Variants in PXDN observed in about 807,000 individuals in gnomAD.
PXDN encodes the protein peroxidasin.
In PXDN, 77 loss-of-function variants were observed where a neutral mutation model predicts 140.3. The ratio of observed to expected loss-of-function variants is 0.55; its 90% CI spans 0.46 to 0.66. The LOEUF (loss-of-function observed/expected upper bound fraction) is 0.66, where lower values mean the gene tolerates loss of function less well. PXDN is among the 30% of genes least tolerant of loss of function. The pLI is 0.00. For synonymous variants in PXDN, 911 were observed against 857.4 expected (o/e 1.06, Z -1.09); for missense variants, 1,838 against 2,039.5 (o/e 0.90, Z 1.90).
Position 1,714,774 on chromosome 2 carries a change from G to A in PXDN, c.201-21640C>T, listed in dbSNP as rs895973984. On this transcript the variant is annotated intron_variant, in intron 1 of 22. Coordinates refer to ENST00000252804, the MANE Select transcript of PXDN (RefSeq NM_012293.3). The surrounding 1 kb of genome is among the most constrained non-coding windows in gnomAD (Gnocchi z 4.3). ...TGATTTTTTTCAGACATTTAGAAAT[G>A]CAAAGTGCATAGCTCTTGGGCCGGA... Among the ~76,000 whole-genome samples, 1 of 152,120 alleles carries A rather than the reference G, an allele frequency of 6.6e-6. No homozygotes were observed. Among genetic ancestry groups the A allele is most frequent in the Admixed American group, 6.5e-5 (1 of 15,274 alleles).
intron 15 of PXDN, 128 bp from the exon 16 acceptor site, chr2:1,653,913 T>G (rs1683071184): frequency 8.7e-7 from 1 of 1,155,360 alleles, no homozygotes; most frequent in African/African-American, 1.6e-5. Context: ...TAATGTACTA[T>G]ACCTTCCTCA....
rs561871246 is a variant in PXDN, at chr2:1,725,528, A to C, written c.200+18728T>G. Among the ~76,000 whole-genome samples the C allele has an allele frequency of 6.8e-3, 1,033 of 152,208 alleles. 10 individuals carry two copies. Among genetic ancestry groups the C allele is most frequent in the African/African-American group, 0.022 (932 of 41,524 alleles). On this transcript the variant is annotated intron_variant, in intron 1 of 22. Coordinates refer to ENST00000252804, the MANE Select transcript of PXDN (RefSeq NM_012293.3). ...GGACATAGGCATGGGCAAGGACTTCATGTCTAAAACACCAAAAGCAATGGC... is the reference window on the plus strand; with the variant it reads ...GGACATAGGCATGGGCAAGGACTTCCTGTCTAAAACACCAAAAGCAATGGC...
intron 1 of PXDN, among the ~76,000 whole-genome samples, chr2:1,734,853 G>A (rs897191246): frequency 1.3e-5 from 2 of 152,168 alleles, no homozygotes; most frequent in East Asian, 1.9e-4. Context: ...GCAACAGAGT[G>A]AGACTCCATC....
At chr2:1,654,596 A>G in intron 14 of PXDN, 88 bp from the exon 15 acceptor site, 1 of 743,194 alleles carries the variant, frequency 1.3e-6, no homozygotes, top group Non-Finnish European at 2.2e-6. Context: ...CATTAGCCAC[A>G]AGGCATACTT....
intron 9 of PXDN, among the ~76,000 whole-genome samples, chr2:1,669,158 G>A (rs1683517032): frequency 6.6e-6 from 1 of 152,162 alleles, no homozygotes; most frequent in Admixed American, 6.5e-5. Flanking sequence ...CAGGAACATG[G>A]AAAAAGCTGG....
rs1323332621 is a variant in PXDN at position 1,644,629 on chromosome 2, T to C, written c.3732A>G (p.Arg1244=). The change falls in exon 18 of 23, where the codon CGA becomes CGG. Residue 1244 remains arginine, a synonymous_variant. Coordinates refer to ENST00000252804, the MANE Select transcript of PXDN (RefSeq NM_012293.3). The part of the protein sequence containing the change: ...CLLSTQFKRL[R]DGDRLWYENP... ...GTGCACGTGCTCACCTGTCCCCATC[T>C]CGCAGGCGCTTGAACTGTGTGCTGA... is the stretch of plus-strand genomic sequence containing the variant. 6.2e-7 allele frequency: 1 copy of C among 1,600,380 alleles called. No individual in the cohort carries two copies. The highest frequency in any genetic ancestry group is 1.7e-5 in the Admixed American group (1 of 59,212).
intron 1 of PXDN, among the ~76,000 whole-genome samples, chr2:1,734,354 G>A (rs1264003444): frequency 6.6e-6 from 1 of 152,134 alleles, no homozygotes; most frequent in Non-Finnish European, 1.5e-5. Flanking sequence ...CCTTCAGAGA[G>A]TTTTCTTCTT....
In PXDN at chr2:1,673,716, G is replaced by A. The variant is rs1683631266; in HGVS notation, c.945C>T (p.Tyr315=). 6.2e-7 allele frequency: 1 copy of A among 1,613,886 alleles called. No individual in the cohort carries two copies. The highest frequency in any genetic ancestry group is 8.5e-7 in the Non-Finnish European group (1 of 1,179,898). ...CGGCCACGTTCTTTGCCATGCACTG[G>A]TAGATACCCTGGTCTGTCTCCTGTG... The part of the protein sequence containing the change: ...QNTQETDQGI[Y]QCMAKNVAGE... The change falls in exon 9 of 23, where the codon TAC becomes TAT. Residue 315 remains tyrosine (Y), a synonymous_variant. Transcript: ENST00000252804.
rs2241456 is a variant in PXDN at position 1,660,736 on chromosome 2, G to C, written c.1837+145C>G. ...CGAGCAGCCCGGCCATGCATCAGGA[G>C]AGTGTCCCCACCTGGGAATCAAGGG... On this transcript the variant is annotated intron_variant, in intron 14 of 22. Coordinates refer to ENST00000252804, the MANE Select transcript of PXDN (RefSeq NM_012293.3). This position sits in a 1 kb window ranked among gnomAD's most constrained non-coding sequence, Gnocchi z 4.6. 0.42 allele frequency: 462,122 copies of C among 1,088,444 alleles called. 102,522 individuals carry two copies. The highest frequency in any genetic ancestry group is 0.55 in the East Asian group (21,328 of 38,748). 67.4% of individuals were successfully genotyped at this position (1,088,444 alleles called of 1,614,324 possible).
chr2:1,688,482 C>A (rs13393011), intron 3 of PXDN, among the ~76,000 whole-genome samples: 1 of 152,020 alleles, frequency 6.6e-6, no homozygotes, highest in African/African-American at 2.4e-5. Context: ...AATTTCCACA[C>A]CAAAGTATCA....
At chr2:1,692,340 A>G (rs1684200211) in intron 2 of PXDN, among the ~76,000 whole-genome samples, 1 of 152,184 alleles carries the variant, frequency 6.6e-6, no homozygotes, top group African/African-American at 2.4e-5. Context: ...GGCCAGTGCT[A>G]AGGCAGTCAT....
chr2:1,719,824 C>T (rs949938132), intron 1 of PXDN, among the ~76,000 whole-genome samples: 1 of 137,456 alleles, frequency 7.3e-6, no homozygotes, highest in African/African-American at 2.8e-5. Flanking sequence ...GATGTGTGTA[C>T]ATGCGTGCAT....
chr2:1,739,911 T>C (rs996032336), intron 1 of PXDN, among the ~76,000 whole-genome samples: 1 of 152,254 alleles, frequency 6.6e-6, no homozygotes, highest in Non-Finnish European at 1.5e-5. Flanking sequence ...TTGACTCTGT[T>C]GTGCCAACAA....
In PXDN at chr2:1,644,684, C is replaced by A; in HGVS notation, c.3677G>T (p.Ser1226Ile). Residue 1226 changes from serine to isoleucine, a missense_variant, in exon 18 of 23, where the codon AGC (serine) becomes ATC (isoleucine). This residue lies in a region of PXDN where 850 missense variants were observed against 894.1 expected (regional missense o/e 0.95). Coordinates refer to ENST00000252804, the MANE Select transcript of PXDN (RefSeq NM_012293.3). ...ACACATCAGGGTGGGGCCCAGCCGG[C>A]TGCCAGGCACCAGGTCCTCCACCAC... Reference protein sequence around the residue: ...ALVVEDLVPGSRLGPTLMCLL... With the variant: ...ALVVEDLVPGIRLGPTLMCLL... The A allele has an allele frequency of 6.2e-7, 1 of 1,605,116 alleles. No individual in the cohort carries two copies. The highest frequency in any genetic ancestry group is 2.2e-5 in the East Asian group (1 of 44,570).
chr2:1,657,409 C>A (rs1558493794), intron 14 of PXDN, among the ~76,000 whole-genome samples: 1 of 151,404 alleles, frequency 6.6e-6, no homozygotes, highest in African/African-American at 2.4e-5. Context: ...CTGAAGGGGA[C>A]CTGCCCTGTC....
In PXDN at chr2:1,666,310, T is replaced by C. The variant is rs780134366; in HGVS notation, c.1195A>G (p.Ile399Val). The C allele has an allele frequency of 1.1e-5, 18 of 1,613,934 alleles. No homozygotes were observed. Among genetic ancestry groups the C allele is most frequent in the Admixed American group, 1.7e-5 (1 of 60,004 alleles). ...VNITPSGGLY[I>V]QNVVQGDSGE... ...CTGTCCCCCTGTACGACGTTCTGTA[T>C]GTAAAGCCCGCCAGAAGGCGTGATG... The change falls in exon 10 of 23, where the codon ATA (isoleucine) becomes GTA (valine). Residue 399 changes from isoleucine to valine, a missense_variant. By Grantham distance (29) the Ile-to-Val change is conservative (BLOSUM62 3). Transcript: ENST00000252804.
At chr2:1,731,081 CCT>C (rs568712017) in intron 1 of PXDN, among the ~76,000 whole-genome samples, 10 of 152,142 alleles carry the variant, frequency 6.6e-5, no homozygotes, top group African/African-American at 2.4e-4. Flanking sequence ...ACATCACAGA[CCT>C]CTCTGAAAAG....
intron 1 of PXDN, among the ~76,000 whole-genome samples, chr2:1,724,338 C>A (rs1572195539): frequency 7.4e-6 from 1 of 135,450 alleles, no homozygotes; most frequent in African/African-American, 2.7e-5. Flanking sequence ...GGTCAGAAAG[C>A]AATATTTAAT....
At chr2:1,692,482 G>A (rs921418392) in intron 2 of PXDN, 3 of 471,486 alleles carry the variant, frequency 6.4e-6, no homozygotes, top group African/African-American at 6.0e-5. Flanking sequence ...GTCAACAGTG[G>A]ATAGGCGGCC....
Sources: allele counts gnomAD v4.1 joint callset (sites outside exome capture counted in the v4.1 genomes callset), GRCh38; gene constraint gnomAD v4.1.1; regional missense constraint gnomAD v4.1.1; non-coding constraint Gnocchi (gnomAD v3.1); transcripts MANE v1.5; gene names NCBI Gene and HGNC (gene_info 2026-07-23, HGNC 2026-07-21).